The following CSMD1 variants were observed in gnomAD, a reference collection of about 807,000 sequenced individuals.
The protein encoded by CSMD1 is CUB and Sushi multiple domains 1, also known as CUB and sushi domain-containing protein 1.
CSMD1 carries 213 observed loss-of-function variants against 417.5 expected under a neutral mutation model. That is an observed-to-expected ratio of 0.51 (90% CI 0.46 to 0.57). CSMD1 has a LOEUF of 0.57. CSMD1 is among the 20% of genes least tolerant of loss of function. The pLI, the probability that CSMD1 is intolerant of heterozygous loss-of-function variation, is 0.00. For synonymous variants in CSMD1, 2,862 were observed against 1,736.8 expected (o/e 1.65, Z -16.11); for missense variants, 6,923 against 4,529.7 (o/e 1.53, Z -15.17).
At chr8:3,000,268 T>A (rs576532082) in intron 52 of CSMD1, 137 bp from the exon 53 acceptor site, 2 of 426,454 alleles carry the variant, frequency 4.7e-6, no homozygotes, top group African/African-American at 4.1e-5. Flanking sequence ...CATATATATG[T>A]ATACTTTTAA....
intron 5 of CSMD1, among the ~76,000 whole-genome samples, chr8:3,865,603 G>A (rs1391554577): frequency 6.6e-6 from 1 of 152,156 alleles, no homozygotes; most frequent in Non-Finnish European, 1.5e-5. Context: ...CATCAGCAAA[G>A]CGCCAATGTG....
At chr8:3,958,925 G>A (rs1341430621) in intron 5 of CSMD1, among the ~76,000 whole-genome samples, 1 of 152,174 alleles carries the variant, frequency 6.6e-6, no homozygotes, top group African/African-American at 2.4e-5. Flanking sequence ...AATCATTTGT[G>A]CAACTCACAT....
intron 1 of CSMD1, among the ~76,000 whole-genome samples, chr8:4,819,420 G>A (rs1485393300): frequency 1.3e-5 from 2 of 151,482 alleles, no homozygotes; most frequent in Admixed American, 6.6e-5. Context: ...GCTTCATAGA[G>A]CAAATAAAAT....
intron 5 of CSMD1, among the ~76,000 whole-genome samples, chr8:3,762,627 T>C (rs1196780518): frequency 6.6e-6 from 1 of 152,172 alleles, no homozygotes; most frequent in Non-Finnish European, 1.5e-5. Context: ...GCCGCTCTTG[T>C]CTGTGGAAGG....
chr8:3,984,596 G>A (rs138605092), intron 5 of CSMD1, among the ~76,000 whole-genome samples: 1 of 150,658 alleles, frequency 6.6e-6, no homozygotes, highest in Non-Finnish European at 1.5e-5. Flanking sequence ...GATTCTTCAA[G>A]TAAGAAAAAA....
chr8:4,808,902 A>G (rs537584719), intron 1 of CSMD1, among the ~76,000 whole-genome samples: 16 of 152,366 alleles, frequency 1.1e-4, no homozygotes, highest in African/African-American at 3.8e-4. Context: ...ATGTTTACAA[A>G]AAACTGAGCT....
At chr8:4,182,541 G>T (rs564700449) in intron 3 of CSMD1, among the ~76,000 whole-genome samples, 76 of 152,164 alleles carry the variant, frequency 5.0e-4, no homozygotes, top group African/African-American at 1.8e-3. Context: ...ATCGATATTT[G>T]TTCCTTTCAA....
chr8:4,525,687 A>T (rs540984811), intron 2 of CSMD1, among the ~76,000 whole-genome samples: 10 of 152,300 alleles, frequency 6.6e-5, no homozygotes, highest in Admixed American at 4.6e-4. Context: ...AACCTAAAAA[A>T]TAATAGAAGT....
chr8:3,672,354 T>C (rs950178533), intron 7 of CSMD1, among the ~76,000 whole-genome samples: 2 of 49,852 alleles, frequency 4.0e-5, no homozygotes, highest in South Asian at 8.7e-4. Flanking sequence ...TCAGTTGTAG[T>C]GTGTGTCGGC....
intron 59 of CSMD1, among the ~76,000 whole-genome samples, chr8:2,964,687 T>A (rs1171214784): frequency 6.6e-6 from 1 of 152,226 alleles, no homozygotes. Flanking sequence ...AATTCAACAT[T>A]TATTTAGCGT....
At chr8:4,279,757 A>G (rs1796677775) in intron 3 of CSMD1, among the ~76,000 whole-genome samples, 1 of 152,216 alleles carries the variant, frequency 6.6e-6, no homozygotes, top group Admixed American at 6.5e-5. Context: ...AAGAAAAAAA[A>G]TAAAACTCTA....
chr8:4,285,225 A>G (rs1796997351), intron 3 of CSMD1, among the ~76,000 whole-genome samples: 1 of 152,228 alleles, frequency 6.6e-6, no homozygotes, highest in African/African-American at 2.4e-5. Context: ...GCTTGTATAC[A>G]ATCCGGTTTC....
chr8:3,449,377 T>A (rs1324989333), intron 12 of CSMD1, among the ~76,000 whole-genome samples: 1 of 152,186 alleles, frequency 6.6e-6, no homozygotes, highest in Non-Finnish European at 1.5e-5. Context: ...TGACAATGTC[T>A]CATGGGTTGG....
At chr8:4,774,619 T>A (rs1013794858) in intron 1 of CSMD1, among the ~76,000 whole-genome samples, 44 of 152,182 alleles carry the variant, frequency 2.9e-4, no homozygotes, top group African/African-American at 9.9e-4. Context: ...GTGGTTTGGA[T>A]CCATTTCCCC....
chr8:4,728,560 T>C (rs1297070627), intron 1 of CSMD1, among the ~76,000 whole-genome samples: 1 of 152,176 alleles, frequency 6.6e-6, no homozygotes, highest in Non-Finnish European at 1.5e-5. Flanking sequence ...GAGCTCTTCA[T>C]GTCTTTATTC....
At chr8:4,167,287 G>C (rs1020279010) in intron 3 of CSMD1, among the ~76,000 whole-genome samples, 5 of 152,122 alleles carry the variant, frequency 3.3e-5, no homozygotes, top group Non-Finnish European at 7.4e-5. Flanking sequence ...TAGAAAATTC[G>C]TGTCTATAAC....
intron 49 of CSMD1, among the ~76,000 whole-genome samples, chr8:3,070,724 C>T (rs949186370): frequency 6.6e-6 from 1 of 152,200 alleles, no homozygotes; most frequent in Non-Finnish European, 1.5e-5. Context: ...TTTCCTTTAT[C>T]TCCCTTTCTT....
At chr8:4,315,263 G>C (rs1265438114) in intron 3 of CSMD1, among the ~76,000 whole-genome samples, 2 of 152,130 alleles carry the variant, frequency 1.3e-5, no homozygotes, top group Non-Finnish European at 2.9e-5. Context: ...GTGAGGTAGG[G>C]TTTATGAAAA....
rs115757601 is a variant in CSMD1 at position 4,425,468 on chromosome 8, G to C, written c.303-5403C>G. 4.8e-3 allele frequency among the ~76,000 whole-genome samples: 722 copies of C among 151,798 alleles called. 4 individuals are homozygous for C. The highest frequency in any genetic ancestry group is 0.016 in the African/African-American group (672 of 41,426). ...CCAATTGATCATAAAGAGCTTTCAAGAGCTAAATTTGTGATTAAATGTTTA... is the reference window on the plus strand; with the variant it reads ...CCAATTGATCATAAAGAGCTTTCAACAGCTAAATTTGTGATTAAATGTTTA... On this transcript the variant is annotated intron_variant, in intron 2 of 69. Coordinates refer to ENST00000635120, the MANE Select transcript of CSMD1 (RefSeq NM_033225.6).
Sources: allele counts gnomAD v4.1 joint callset (sites outside exome capture counted in the v4.1 genomes callset), GRCh38; gene constraint gnomAD v4.1.1; transcripts MANE v1.5; gene names NCBI Gene and HGNC (gene_info 2026-07-23, HGNC 2026-07-21).